Variants in NXPH1 observed in about 807,000 individuals in gnomAD.
NXPH1 encodes the protein neurexophilin-1.
In NXPH1, 5 loss-of-function variants were observed where a neutral mutation model predicts 23.7. The ratio of observed to expected loss-of-function variants is 0.21; its 90% CI spans 0.11 to 0.44. The LOEUF (loss-of-function observed/expected upper bound fraction) is 0.44, where lower values mean the gene tolerates loss of function less well. NXPH1 is among the 20% of genes least tolerant of loss of function. The probability of loss-of-function intolerance (pLI) is 0.99; values close to 1 mark genes in which losing one functional copy is unlikely to be tolerated. For synonymous variants in NXPH1, 144 were observed against 122.2 expected (o/e 1.18, Z -1.18); for missense variants, 324 against 321.6 (o/e 1.01, Z -0.06).
chr7:8,746,732 G>A (rs910389620), intron 2 of NXPH1, among the ~76,000 whole-genome samples: 2 of 152,042 alleles, frequency 1.3e-5, no homozygotes, highest in African/African-American at 4.8e-5. Flanking sequence ...TTTTTAAACT[G>A]TAAAATACAA....
chr7:8,748,360 A>C (rs1780507191), intron 2 of NXPH1, among the ~76,000 whole-genome samples: 1 of 152,194 alleles, frequency 6.6e-6, no homozygotes, highest in South Asian at 2.1e-4. Flanking sequence ...CAACTAAAAA[A>C]AAGTTGGCAG....
chr7:8,643,936 A>G (rs777362216), intron 2 of NXPH1, among the ~76,000 whole-genome samples: 5 of 152,150 alleles, frequency 3.3e-5, no homozygotes, highest in Non-Finnish European at 7.4e-5. Flanking sequence ...TTTTAGTATT[A>G]CATTTTTGCT....
At chr7:8,685,837 A>G (rs1821138405) in intron 2 of NXPH1, among the ~76,000 whole-genome samples, 1 of 152,076 alleles carries the variant, frequency 6.6e-6, no homozygotes, top group South Asian at 2.1e-4. Flanking sequence ...AAAAATAGAA[A>G]GAATGAATAA....
At chr7:8,640,435 A>C (rs1562439460) in intron 2 of NXPH1, among the ~76,000 whole-genome samples, 1 of 151,120 alleles carries the variant, frequency 6.6e-6, no homozygotes, top group African/African-American at 2.4e-5. Flanking sequence ...TTAAGTATTA[A>C]ATATATATAT....
chr7:8,603,104 C>T (rs1583185666), intron 2 of NXPH1, among the ~76,000 whole-genome samples: 1 of 152,136 alleles, frequency 6.6e-6, no homozygotes, highest in Non-Finnish European at 1.5e-5. Flanking sequence ...AGCCACCGTG[C>T]TCTGTCTACC....
At chr7:8,436,108 G>A (rs1369222452) in intron 2 of NXPH1, among the ~76,000 whole-genome samples, 1 of 152,182 alleles carries the variant, frequency 6.6e-6, no homozygotes, top group Non-Finnish European at 1.5e-5. Context: ...AGTAGCTCAT[G>A]CACAGAGTTT....
At chr7:8,749,785 C>T (rs1251452207) in intron 2 of NXPH1, among the ~76,000 whole-genome samples, 1 of 152,170 alleles carries the variant, frequency 6.6e-6, no homozygotes, top group African/African-American at 2.4e-5. Context: ...AGCAAGTCCG[C>T]ATATTGAATG....
chr7:8,539,624 A>C lies in NXPH1; in HGVS notation c.54+103857A>C, dbSNP rs567693527. 1.9e-4 allele frequency among the ~76,000 whole-genome samples: 29 copies of C among 151,984 alleles called. No individual in the cohort carries two copies. In the East Asian group the frequency reaches 3.9e-3, roughly 20 times the overall value. ...TGTTTATAAAATACCGTATTGGATG[A>C]TAGAATTTTTCTCACATTTATATAC... On this transcript the variant is annotated intron_variant, in intron 2 of 2. Coordinates refer to ENST00000405863, the MANE Select transcript of NXPH1 (RefSeq NM_152745.3).
At chr7:8,461,836 C>CAAAAAAAAAAAAAAA (rs748848772) in intron 2 of NXPH1, among the ~76,000 whole-genome samples, 149 of 41,636 alleles carry the variant, frequency 3.6e-3, no homozygotes, top group Non-Finnish European at 5.2e-3. Context: ...GACTCCGTCT[C>CAAAAAAAAAAAAAAA]AAAAAAAAAA....
chr7:8,518,766 G>A (rs528113169), intron 2 of NXPH1, among the ~76,000 whole-genome samples: 8 of 152,246 alleles, frequency 5.3e-5, no homozygotes, highest in African/African-American at 1.4e-4. Flanking sequence ...GATTATAGGC[G>A]TGAACCACTG....
intron 2 of NXPH1, among the ~76,000 whole-genome samples, chr7:8,491,157 A>G (rs1248042913): frequency 6.6e-6 from 1 of 152,012 alleles, no homozygotes; most frequent in Non-Finnish European, 1.5e-5. Context: ...GCAATGAATA[A>G]AAAATTTTGT....
chr7:8,524,993 T>C (rs1366386139), intron 2 of NXPH1, among the ~76,000 whole-genome samples: 3 of 152,230 alleles, frequency 2.0e-5, no homozygotes, highest in African/African-American at 7.2e-5. Context: ...GAAGTGACTT[T>C]GGAACTCGTA....
chr7:8,538,185 A>C (rs868444121), intron 2 of NXPH1, among the ~76,000 whole-genome samples: 1 of 151,942 alleles, frequency 6.6e-6, no homozygotes, highest in Non-Finnish European at 1.5e-5. Context: ...TGATTCTCAC[A>C]GTGGTTTTTA....
At chr7:8,709,981 G>C (rs1433395074) in intron 2 of NXPH1, among the ~76,000 whole-genome samples, 1 of 152,182 alleles carries the variant, frequency 6.6e-6, no homozygotes, top group African/African-American at 2.4e-5. Context: ...AGTTATACAT[G>C]CTAAGAGAGG....
At chr7:8,562,822 T>C (rs1299232761) in intron 2 of NXPH1, among the ~76,000 whole-genome samples, 1 of 151,686 alleles carries the variant, frequency 6.6e-6, no homozygotes, top group Non-Finnish European at 1.5e-5. Context: ...TTCAAAAAGA[T>C]TGAAAAAACA....
intron 2 of NXPH1, among the ~76,000 whole-genome samples, chr7:8,562,682 T>C (rs1199084015): frequency 2.0e-5 from 3 of 151,726 alleles, no homozygotes; most frequent in Non-Finnish European, 2.9e-5. Context: ...ATAGATAATA[T>C]CCTAATGGAT....
At chr7:8,525,679 G>T (rs557930135) in intron 2 of NXPH1, among the ~76,000 whole-genome samples, 1 of 152,324 alleles carries the variant, frequency 6.6e-6, no homozygotes, top group South Asian at 2.1e-4. Flanking sequence ...TGGCTGAAAG[G>T]GGCCAACATG....
chr7:8,692,054 G>A (rs1489183250), intron 2 of NXPH1, among the ~76,000 whole-genome samples: 5 of 151,874 alleles, frequency 3.3e-5, no homozygotes, highest in Admixed American at 1.3e-4. Flanking sequence ...GAACCAGCTT[G>A]GCAGGTTCTA....
At chr7:8,633,942 G>A (rs1447407481) in intron 2 of NXPH1, among the ~76,000 whole-genome samples, 1 of 152,134 alleles carries the variant, frequency 6.6e-6, no homozygotes, top group Non-Finnish European at 1.5e-5. Context: ...CCTTATTTAT[G>A]AAAACACCTT....
Sources: gnomAD v4.1 joint callset for allele counts (sites outside exome capture counted in the v4.1 genomes callset) on GRCh38, gnomAD v4.1.1 for gene constraint, MANE v1.5 for transcripts, NCBI Gene and HGNC (gene_info 2026-07-23, HGNC 2026-07-21) for gene names.